The following USP48 variants were observed in gnomAD, a reference collection of about 807,000 sequenced individuals.
The protein encoded by USP48 is ubiquitin carboxyl-terminal hydrolase 48.
In USP48, 43 loss-of-function variants were observed where a neutral mutation model predicts 150.7. The observed-to-expected ratio is 0.29, with a 90% CI of 0.22 to 0.37. The LOEUF (loss-of-function observed/expected upper bound fraction) is 0.37, where lower values mean the gene tolerates loss of function less well. Among genes scored for constraint, USP48 ranks in the 10% least tolerant of loss-of-function variants. The pLI, the probability that USP48 is intolerant of heterozygous loss-of-function variation, is 1.00. For synonymous variants in USP48, 396 were observed against 425.9 expected (o/e 0.93, Z 0.86); for missense variants, 813 against 1,249.6 (o/e 0.65, Z 5.27).
At chr1:21,719,548 G>A (rs1176988625) in intron 14 of USP48, among the ~76,000 whole-genome samples, 1 of 152,140 alleles carries the variant, frequency 6.6e-6, no homozygotes, top group Non-Finnish European at 1.5e-5. Context: ...ACAGGAGTTG[G>A]GAGACTAGCC....
intron 3 of USP48, 69 bp downstream of exon 3, chr1:21,756,474 CAAA>C (rs35545280): frequency 0.022 from 25,582 of 1,145,328 alleles, no homozygotes; most frequent in Admixed American, 0.037. Context: ...GAGGAAGACT[CAAA>C]AAAAAAAAAA....
In USP48 at chr1:21,752,387, T is replaced by C. The variant is rs2097818634; in HGVS notation, c.665+140A>G. On this transcript the variant is annotated intron_variant, in intron 5 of 26. Transcript: ENST00000308271. ...CAACTCACTTGTTTATATGTTCCCA[T>C]GGAAATGTATTACTATAAATATTTC... 5.8e-6 allele frequency: 6 copies of C among 1,029,360 alleles called. No individual in the cohort carries two copies. In the South Asian group the frequency reaches 8.3e-5, roughly 14 times the overall value. The allele number at this position is 1,029,360 out of a possible 1,614,324, so 63.8% of individuals were successfully genotyped here.
intron 23 of USP48, among the ~76,000 whole-genome samples, chr1:21,694,734 G>A (rs1397964957): frequency 1.3e-5 from 2 of 152,002 alleles, no homozygotes; most frequent in Middle Eastern, 3.4e-3. Flanking sequence ...AGCAGTTCCT[G>A]GTAACAGCCT....
At chr1:21,726,575 T>C (rs1351181387) in intron 11 of USP48, 4 of 152,192 alleles carry the variant, frequency 2.6e-5, no homozygotes, top group Admixed American at 2.6e-4. Flanking sequence ...GAAGTCTGTC[T>C]TTCTTTCCAT....
chr1:21,768,220 G>T, intron 1 of USP48: 1 of 149,102 alleles, frequency 6.7e-6, no homozygotes, highest in South Asian at 2.1e-4. Flanking sequence ...AAAAAAAAAA[G>T]AGTTTGCAAA....
chr1:21,760,021 G>C (rs1309191570), intron 1 of USP48, among the ~76,000 whole-genome samples: 1 of 152,156 alleles, frequency 6.6e-6, no homozygotes, highest in African/African-American at 2.4e-5. Flanking sequence ...AACACACCCA[G>C]TAATGAATCT....
At chr1:21,681,940 C>T (rs926156218) in intron 25 of USP48, among the ~76,000 whole-genome samples, 9 of 152,182 alleles carry the variant, frequency 5.9e-5, no homozygotes, top group African/African-American at 1.4e-4. Flanking sequence ...TCCTGAAGCT[C>T]GCATCCCACC....
chr1:21,689,758 A>T (rs1278501604), intron 24 of USP48, among the ~76,000 whole-genome samples: 1 of 152,106 alleles, frequency 6.6e-6, no homozygotes, highest in African/African-American at 2.4e-5. Flanking sequence ...CACCTACTAT[A>T]ACACACAAGA....
chr1:21,753,995 T>C (rs1013904566), intron 3 of USP48, among the ~76,000 whole-genome samples: 1 of 151,944 alleles, frequency 6.6e-6, no homozygotes, highest in Non-Finnish European at 1.5e-5. Flanking sequence ...ACCCCGTCTC[T>C]ATTAAAAATA....
At chr1:21,708,897 AAAAAAG>A (rs2097681738) in intron 15 of USP48, among the ~76,000 whole-genome samples, 1 of 111,404 alleles carries the variant, frequency 9.0e-6, no homozygotes. Flanking sequence ...AAAAAAAAAA[AAAAAAG>A]AAAGAAAAGA....
At chr1:21,689,217 CT>C (rs11403689) in intron 24 of USP48, among the ~76,000 whole-genome samples, 118 of 133,150 alleles carry the variant, frequency 8.9e-4, no homozygotes, top group Admixed American at 1.6e-3. Flanking sequence ...CCATTTTTTG[CT>C]TTTTTTTTTT....
intron 23 of USP48, among the ~76,000 whole-genome samples, chr1:21,690,966 T>C (rs1033623905): frequency 6.6e-6 from 1 of 152,196 alleles, no homozygotes; most frequent in African/African-American, 2.4e-5. Flanking sequence ...AAGCAAAATA[T>C]GAATTTCTGA....
intron 14 of USP48, among the ~76,000 whole-genome samples, chr1:21,718,076 T>A (rs2097709659): frequency 6.6e-6 from 1 of 152,244 alleles, no homozygotes; most frequent in African/African-American, 2.4e-5. Flanking sequence ...ATTGTAAGTA[T>A]TTATAATTCT....
chr1:21,754,165 G>GA (rs879860917), intron 3 of USP48, among the ~76,000 whole-genome samples: 193 of 144,268 alleles, frequency 1.3e-3, no homozygotes, highest in Middle Eastern at 6.9e-3. Context: ...CATCTGGGAG[G>GA]AAAAAAAAAA....
chr1:21,775,866 G>T (rs919500032), intron 1 of USP48, among the ~76,000 whole-genome samples: 1 of 152,080 alleles, frequency 6.6e-6, no homozygotes, highest in African/African-American at 2.4e-5. Flanking sequence ...AACATAGTAA[G>T]ACCCCGTCTC....
At chr1:21,689,313 GA>G (rs36100530) in intron 24 of USP48, among the ~76,000 whole-genome samples, 9,260 of 79,898 alleles carry the variant, frequency 0.12, 340 homozygotes, top group Middle Eastern at 0.23. Context: ...CCAAAAAAAG[GA>G]AAAAAAAAAA....
At position 21,736,623 on chromosome 1, in the gene USP48, C is replaced by T; in HGVS notation, c.994G>A (p.Gly332Arg). The change falls in exon 9 of 27, where the codon GGG becomes AGG. Residue 332 changes from glycine to arginine, a missense_variant and splice_region_variant. By Grantham distance (125) the Gly-to-Arg change is moderately radical (BLOSUM62 -2). Transcript: ENST00000308271. ...DMEPYVEHKG[G>R]SYVYELSAVL... ...GCGCTGAGTTCATACACGTAGGACCCACCTGGAGAGAAAGGGAGAAAGTAA... is the reference window on the plus strand; with the variant it reads ...GCGCTGAGTTCATACACGTAGGACCTACCTGGAGAGAAAGGGAGAAAGTAA... 1 of 1,394,572 alleles carries T rather than the reference C, an allele frequency of 7.2e-7. No individual in the cohort carries two copies. The highest frequency in any genetic ancestry group is 2.0e-5 in the South Asian group (1 of 51,024). The allele number at this position is 1,394,572 out of a possible 1,614,324, so 86.4% of individuals were successfully genotyped here.
At chr1:21,740,625 G>A (rs1395804773) in intron 8 of USP48, among the ~76,000 whole-genome samples, 3 of 152,044 alleles carry the variant, frequency 2.0e-5, no homozygotes, top group Non-Finnish European at 4.4e-5. Context: ...TAAGGAATGA[G>A]TACCATCAAA....
intron 25 of USP48, among the ~76,000 whole-genome samples, chr1:21,681,568 A>G (rs768415097): frequency 2.0e-5 from 3 of 152,130 alleles, no homozygotes; most frequent in Non-Finnish European, 4.4e-5. Context: ...GGCCTACTTC[A>G]TAATTTTAGA....
Sources: allele counts gnomAD v4.1 joint callset (sites outside exome capture counted in the v4.1 genomes callset), GRCh38; gene constraint gnomAD v4.1.1; transcripts MANE v1.5; gene names NCBI Gene and HGNC (gene_info 2026-07-23, HGNC 2026-07-21).